ADGRA2: variants seen among roughly 807,000 people sequenced by gnomAD.
ADGRA2 encodes the protein adhesion G protein-coupled receptor A2, also known as G-protein coupled receptor 124.
A neutral mutation model predicts 98.7 loss-of-function variants in ADGRA2; 61 were observed. The ratio of observed to expected loss-of-function variants is 0.62; its 90% CI spans 0.50 to 0.76. ADGRA2 has a LOEUF of 0.76. Ranked by LOEUF, ADGRA2 falls within the 30% of genes least tolerant of loss-of-function variation. ADGRA2 has a pLI of 0.00. For missense variants in ADGRA2, 1,712 were observed against 1,860.0 expected (o/e 0.92, Z 1.46); for synonymous variants, 858 against 831.5 (o/e 1.03, Z -0.55).
chr8:37,810,176 AAT>A (rs990547100), intron 1 of ADGRA2, among the ~76,000 whole-genome samples: 5 of 151,432 alleles, frequency 3.3e-5, no homozygotes, highest in Admixed American at 6.6e-5. Flanking sequence ...TATATATAAA[AAT>A]ATATATATAT....
At chr8:37,805,137 G>T (rs917939022) in intron 1 of ADGRA2, among the ~76,000 whole-genome samples, 1 of 152,206 alleles carries the variant, frequency 6.6e-6, no homozygotes, top group African/African-American at 2.4e-5. Flanking sequence ...AGAAACTGCC[G>T]TTTGGCTTGG....
chr8:37,823,237 G>GGCTAGAGT (rs918318086), intron 2 of ADGRA2, among the ~76,000 whole-genome samples: 19 of 148,660 alleles, frequency 1.3e-4, no homozygotes, highest in Admixed American at 1.0e-3. Flanking sequence ...TCTGGCGCCA[G>GGCTAGAGT]GCTAGAGTGC....
chr8:37,829,919 G>T lies in ADGRA2; in HGVS notation c.623G>T (p.Arg208Leu), dbSNP rs766009635. 1.9e-6 allele frequency: 3 copies of T among 1,612,096 alleles called. No individual in the cohort carries two copies. The highest frequency in any genetic ancestry group is 2.5e-6 in the Non-Finnish European group (3 of 1,179,764). ...LRWLLPWAQNRSLQLSEHTLC... is the reference protein window; with the variant it reads ...LRWLLPWAQNLSLQLSEHTLC... ...TGGCTGCTGCCCTGGGCCCAGAATC[G>T]CTCCCTGCAGCTGTCGGAACACACG... Residue 208 changes from arginine (R) to leucine (L), a missense_variant, in exon 6 of 19, where the codon CGC (arginine) becomes CTC (leucine). By Grantham distance (102) the Arg-to-Leu change is moderately radical (BLOSUM62 -2). Coordinates refer to ENST00000412232, the MANE Select transcript of ADGRA2 (RefSeq NM_032777.10).
chr8:37,828,770 G>A, intron 2 of ADGRA2, 118 bp from the exon 3 acceptor site: 3 of 734,432 alleles, frequency 4.1e-6, no homozygotes, highest in South Asian at 3.7e-5. Flanking sequence ...GGTTTAGCAG[G>A]AAGTCAAGTC....
At chr8:37,831,278 C>G (rs1438097605) in intron 7 of ADGRA2, 145 bp from the exon 8 acceptor site, 5 of 712,056 alleles carry the variant, frequency 7.0e-6, no homozygotes, top group Non-Finnish European at 1.2e-5. Flanking sequence ...TAAGGCCAAT[C>G]AGAATAAAAG....
At chr8:37,816,927 A>AATACAC (rs1554523875) in intron 2 of ADGRA2, among the ~76,000 whole-genome samples, 3 of 131,888 alleles carry the variant, frequency 2.3e-5, no homozygotes, top group Non-Finnish European at 1.6e-5. Context: ...AAGAAAGCAA[A>AATACAC]ACACACACAC....
At chr8:37,829,405 A>G (rs967410394) in intron 4 of ADGRA2, 73 bp downstream of exon 4, 14 of 1,528,840 alleles carry the variant, frequency 9.2e-6, no homozygotes, top group Admixed American at 5.0e-5. Flanking sequence ...GTGGCCCCCA[A>G]CCCTTCCACA....
At chr8:37,823,006 C>T (rs950177148) in intron 2 of ADGRA2, among the ~76,000 whole-genome samples, 2 of 151,808 alleles carry the variant, frequency 1.3e-5, no homozygotes, top group East Asian at 3.9e-4. Context: ...ATTCTCCTGC[C>T]TCAGCCTCCT....
At chr8:37,837,960 C>A in intron 14 of ADGRA2, 21 bp downstream of exon 14, 1 of 1,416,092 alleles carries the variant, frequency 7.1e-7, no homozygotes, top group Non-Finnish European at 9.3e-7. Context: ...GGAGGGGTGA[C>A]AAGTCGGGGG....
At chr8:37,799,349 T>C (rs1409913707) in intron 1 of ADGRA2, among the ~76,000 whole-genome samples, 3 of 145,372 alleles carry the variant, frequency 2.1e-5, no homozygotes, top group Non-Finnish European at 4.5e-5. Flanking sequence ...CACTCCAGCC[T>C]GGGCGACAGA....
chr8:37,835,087 C>CCTGAG lies in ADGRA2; in HGVS notation c.1609-85_1609-81dup, dbSNP rs1020369591. The CCTGAG allele has an allele frequency of 1.2e-5, 11 of 922,056 alleles. No individual in the cohort carries two copies. The African/African-American group carries it at 1.5e-4, about 12-fold the overall frequency. The allele number at this position is 922,056 out of a possible 1,614,324, so 57.1% of individuals were successfully genotyped here. On this transcript the variant is annotated intron_variant, in intron 11 of 18. Transcript: ENST00000412232. ...TGAGGATTGAAGGGGAGGACTACAG[C>CCTGAG]CTGAGCAGGCCCATTGAGAGAGATG...
chr8:37,822,831 T>C (rs933921758), intron 2 of ADGRA2, among the ~76,000 whole-genome samples: 1 of 152,186 alleles, frequency 6.6e-6, no homozygotes, highest in South Asian at 2.1e-4. Context: ...TAATATTCCA[T>C]TGTATGACTA....
chr8:37,839,880 G>GA (rs1805739060), intron 16 of ADGRA2, among the ~76,000 whole-genome samples: 1 of 152,100 alleles, frequency 6.6e-6, no homozygotes, highest in Non-Finnish European at 1.5e-5. Flanking sequence ...GGAGGTGGGG[G>GA]ATCAGCCAGA....
At chr8:37,833,606 G>T in intron 9 of ADGRA2, 82 bp from the exon 10 acceptor site, 2 of 1,440,952 alleles carry the variant, frequency 1.4e-6, no homozygotes, top group Non-Finnish European at 1.9e-6. Flanking sequence ...CTGAGCACTG[G>T]CACAGAGCAG....
chr8:37,833,245 C>G, intron 9 of ADGRA2, 37 bp downstream of exon 9: 1 of 1,509,688 alleles, frequency 6.6e-7, no homozygotes, highest in Non-Finnish European at 9.0e-7. Context: ...AGCTCTGCTT[C>G]GGGGGCACAG....
chr8:37,827,466 G>A (rs1191281998), intron 2 of ADGRA2, among the ~76,000 whole-genome samples: 1 of 152,252 alleles, frequency 6.6e-6, no homozygotes, highest in African/African-American at 2.4e-5. Flanking sequence ...AGGTGAGGAA[G>A]GGGGCAGAGA....
rs1320953484 is a variant in ADGRA2 at position 37,837,837 on chromosome 8, G to A, written c.2157G>A (p.Gly719=). The A allele has an allele frequency of 3.9e-6, 6 of 1,527,578 alleles. No homozygotes were observed. The South Asian group carries it at 6.3e-5, about 16-fold the overall frequency. 94.6% of individuals were successfully genotyped at this position (1,527,578 alleles called of 1,614,324 possible). A position where few individuals can be genotyped will look rare whatever the true frequency, so the allele number is the denominator to read the frequency against. Residue 719 remains glycine, a synonymous_variant, in exon 14 of 19, where the codon GGG becomes GGA. Transcript: ENST00000412232. ...CTTGGTGGAGCCAGGAGGGGCCCGGGGAGGCTGGGGGCTGGACCTCGGAGG... is the reference window on the plus strand; with the variant it reads ...CTTGGTGGAGCCAGGAGGGGCCCGGAGAGGCTGGGGGCTGGACCTCGGAGG... ...VAAWWSQEGP[G]EAGGWTSEGC...
Position 37,814,815 on chromosome 8 carries a change from A to C in ADGRA2, c.267-81A>C. 1 of 1,013,886 alleles carries C rather than the reference A, an allele frequency of 9.9e-7. No individual in the cohort carries two copies. Among genetic ancestry groups the C allele is most frequent in the Non-Finnish European group, 1.6e-6 (1 of 637,536 alleles). 62.8% of individuals were successfully genotyped at this position (1,013,886 alleles called of 1,614,324 possible). On this transcript the variant is annotated intron_variant, in intron 1 of 18. Coordinates refer to ENST00000412232, the MANE Select transcript of ADGRA2 (RefSeq NM_032777.10). The surrounding 1 kb of genome is among the most constrained non-coding windows in gnomAD (Gnocchi z 4.3). The stretch of plus-strand genomic sequence containing the variant: ...AGGGGGCGCCATTGACAAAGATGCA[A>C]GCTGGCCCCACCAGTGGTGAAAGCG...
intron 2 of ADGRA2, among the ~76,000 whole-genome samples, chr8:37,826,215 CCCCACGTGGGGGTGGGAGG>C (rs1258314952): frequency 6.6e-6 from 1 of 152,212 alleles, no homozygotes; most frequent in African/African-American, 2.4e-5. Flanking sequence ...TCTGCCCGTC[CCCCACGTGGGGGTGGGAGG>C]CTGAGCCCTG....
Sources: allele counts gnomAD v4.1 joint callset (sites outside exome capture counted in the v4.1 genomes callset), GRCh38; gene constraint gnomAD v4.1.1; non-coding constraint Gnocchi (gnomAD v3.1); transcripts MANE v1.5; gene names NCBI Gene and HGNC (gene_info 2026-07-23, HGNC 2026-07-21).